The following KYNU variants were observed in gnomAD, a reference collection of about 807,000 sequenced individuals.
KYNU encodes the protein kynureninase, also known as L-kynurenine hydrolase.
Under a neutral mutation model 59.2 loss-of-function variants are expected in KYNU, and 54 were observed. The observed-to-expected ratio is 0.91, with a 90% CI of 0.73 to 1.14. The LOEUF is 1.14. Ranked by LOEUF, KYNU falls within the 50% of genes most tolerant of loss-of-function variation. The pLI is 0.00. For missense variants in KYNU, 567 were observed against 554.4 expected, an observed-to-expected ratio of 1.02 and a Z score of -0.23; for synonymous variants, 177 against 192.0, an observed-to-expected ratio of 0.92 and a Z score of 0.65.
intron 1 of KYNU, chr2:142,879,569 G>A (rs1681219932): frequency 6.6e-6 from 1 of 152,348 alleles, no homozygotes; most frequent in Non-Finnish European, 1.5e-5. Context: ...GAAAAATAAA[G>A]TGAGAGGTTC....
chr2:143,020,390 GGTT>G (rs1686370559), intron 10 of KYNU, among the ~76,000 whole-genome samples: 1 of 152,024 alleles, frequency 6.6e-6, no homozygotes, highest in African/African-American at 2.4e-5. Context: ...TTGACTCACT[GGTT>G]GTTCAGGAGC....
At chr2:142,899,844 T>C (rs771278345) in intron 2 of KYNU, among the ~76,000 whole-genome samples, 1 of 152,238 alleles carries the variant, frequency 6.6e-6, no homozygotes, top group African/African-American at 2.4e-5. Context: ...CCTGACTATC[T>C]GCTTGATAGT....
intron 4 of KYNU, chr2:142,947,427 C>T (rs35954716): frequency 0.013 from 6,958 of 537,916 alleles, 123 homozygotes; most frequent in African/African-American, 0.062. Flanking sequence ...CCAAACAGCG[C>T]TTCCCTGGAT....
intron 4 of KYNU, among the ~76,000 whole-genome samples, chr2:142,941,944 G>T (rs1242264236): frequency 1.3e-5 from 2 of 152,110 alleles, no homozygotes; most frequent in African/African-American, 4.8e-5. Flanking sequence ...TAAGGAAGGA[G>T]AATTTCTTGA....
intron 10 of KYNU, among the ~76,000 whole-genome samples, chr2:143,000,285 G>C (rs183967111): frequency 2.6e-4 from 40 of 151,956 alleles, no homozygotes; most frequent in African/African-American, 8.7e-4. Context: ...CTGTTACATC[G>C]AGATATTAAT....
At chr2:142,984,562 A>AG (rs1403926725) in intron 8 of KYNU, among the ~76,000 whole-genome samples, 5 of 152,100 alleles carry the variant, frequency 3.3e-5, no homozygotes, top group African/African-American at 1.2e-4. Context: ...AATTGCATAA[A>AG]TACATTGCTT....
chr2:142,893,435 T>C (rs1257106709), intron 2 of KYNU, among the ~76,000 whole-genome samples: 1 of 152,198 alleles, frequency 6.6e-6, no homozygotes, highest in East Asian at 1.9e-4. Flanking sequence ...AGAGCTTTAT[T>C]AAATTGTCTT....
chr2:142,983,777 A>G (rs146086857), intron 8 of KYNU, among the ~76,000 whole-genome samples: 1 of 152,224 alleles, frequency 6.6e-6, no homozygotes, highest in East Asian at 1.9e-4. Context: ...AATGCATTAC[A>G]TATTAACATA....
chr2:142,882,383 G>T (rs1427007117), intron 1 of KYNU, among the ~76,000 whole-genome samples: 1 of 151,616 alleles, frequency 6.6e-6, no homozygotes, highest in Non-Finnish European at 1.5e-5. Flanking sequence ...ACAACGTGTA[G>T]GTTTGTTATA....
intron 6 of KYNU, among the ~76,000 whole-genome samples, chr2:142,957,088 T>C (rs536422660): frequency 6.6e-6 from 1 of 152,330 alleles, no homozygotes; most frequent in East Asian, 1.9e-4. Flanking sequence ...TCTTTTACTC[T>C]AGCCCTTGTA....
chr2:143,033,464 C>T, intron 12 of KYNU, 143 bp downstream of exon 12: 5 of 766,656 alleles, frequency 6.5e-6, no homozygotes, highest in Non-Finnish European at 1.2e-5. Flanking sequence ...CAGCATTCCC[C>T]TTTAGGACAG....
rs187432739 is a variant in KYNU, at chr2:142,928,553, C to T, written c.373+812C>T. Among the ~76,000 whole-genome samples, 18 of 152,148 alleles carry T rather than the reference C, an allele frequency of 1.2e-4. No individual in the cohort carries two copies. The East Asian group carries it at 2.5e-3, about 21-fold the overall frequency. ...GACCAGTAATTAGAGAGAAAATCAA[C>T]GTGGCTGGAAGGGAAATGGAGTGGG... On this transcript the variant is annotated intron_variant, in intron 4 of 13. Transcript: ENST00000264170.
intron 13 of KYNU, 62 bp downstream of exon 13, chr2:143,040,720 T>G: frequency 9.6e-7 from 1 of 1,037,238 alleles, no homozygotes; most frequent in Non-Finnish European, 1.4e-6. Context: ...GGATAAAATT[T>G]GGACTCTTTG....
At chr2:142,891,318 C>A (rs1482044507) in intron 2 of KYNU, among the ~76,000 whole-genome samples, 1 of 151,992 alleles carries the variant, frequency 6.6e-6, no homozygotes, top group Admixed American at 6.6e-5. Context: ...ACTGAACTTG[C>A]TGTTATTTTG....
rs1235544303 is a variant in KYNU, at chr2:143,053,822, T to A, written c.*11650T>A. The stretch of plus-strand genomic sequence containing the variant: ...TGGGAAAACGGATTAATATACTAAT[T>A]TATAGCTAGTAGGTAAAAAGCCAGG... On this transcript the variant is annotated 3_prime_UTR_variant, in exon 14 of 14. Transcript: ENST00000264170. 6.6e-6 allele frequency: 1 copy of A among 152,216 alleles called. No homozygotes were observed. Among genetic ancestry groups the A allele is most frequent in the African/African-American group, 2.4e-5 (1 of 41,446 alleles). 9.4% of individuals were successfully genotyped at this position (152,216 alleles called of 1,614,324 possible).
At chr2:143,041,949 A>T (rs1687068861) in intron 13 of KYNU, 98 bp from the exon 14 acceptor site, 6 of 1,264,978 alleles carry the variant, frequency 4.7e-6, no homozygotes, top group Non-Finnish European at 6.8e-6. Context: ...TTTTTAGGGA[A>T]ATCATTATGA....
intron 2 of KYNU, among the ~76,000 whole-genome samples, chr2:142,906,302 C>T (rs1197668481): frequency 6.6e-6 from 1 of 152,212 alleles, no homozygotes; most frequent in East Asian, 1.9e-4. Flanking sequence ...AAGGCCCTGG[C>T]CAAGGAGCCA....
chr2:143,041,083 T>G (rs1335804418), intron 13 of KYNU, among the ~76,000 whole-genome samples: 1 of 152,084 alleles, frequency 6.6e-6, no homozygotes, highest in Non-Finnish European at 1.5e-5. Flanking sequence ...AATTAAGTTA[T>G]TTTCAACCTT....
Position 143,010,599 on chromosome 2 carries a change from A to G in KYNU, c.903-19028A>G, listed in dbSNP as rs74588932. 8.4e-3 allele frequency among the ~76,000 whole-genome samples: 1,074 copies of G among 127,942 alleles called. 1 individual carries two copies. The highest frequency in any genetic ancestry group is 0.02 in the East Asian group (71 of 3,636). The allele number at this position is 127,942 out of a possible 152,430, so 83.9% of individuals were successfully genotyped here. A position where few individuals can be genotyped will look rare whatever the true frequency, so the allele number is the denominator to read the frequency against. On this transcript the variant is annotated intron_variant, in intron 10 of 13. Coordinates refer to ENST00000264170, the MANE Select transcript of KYNU (RefSeq NM_003937.3). ...ATGGAACCAAAAAAGAGCCTGCATC[A>G]CCAAGTCAATCCTAAGCCAAAAGAA... is the stretch of plus-strand genomic sequence containing the variant.
Sources: gnomAD v4.1 joint callset for allele counts (sites outside exome capture counted in the v4.1 genomes callset) on GRCh38, gnomAD v4.1.1 for gene constraint, MANE v1.5 for transcripts, NCBI Gene and HGNC (gene_info 2026-07-23, HGNC 2026-07-21) for gene names.